PIGU: variants seen among roughly 807,000 people sequenced by gnomAD.
PIGU encodes GPI-anchor transamidase component PIGU.
Under a neutral mutation model 49.9 loss-of-function variants are expected in PIGU, and 24 were observed. The ratio of observed to expected loss-of-function variants is 0.48; its 90% CI spans 0.35 to 0.68. The LOEUF (loss-of-function observed/expected upper bound fraction) is 0.68. PIGU is among the 30% of genes least tolerant of loss of function. The pLI is 0.01. For missense variants in PIGU, 490 were observed against 532.6 expected (o/e 0.92, Z 0.79); for synonymous variants, 220 against 205.7 (o/e 1.07, Z -0.59).
chr20:34,583,695 G>C (rs545060830), intron 9 of PIGU, among the ~76,000 whole-genome samples: 3 of 152,248 alleles, frequency 2.0e-5, no homozygotes, highest in Non-Finnish European at 2.9e-5. Flanking sequence ...CCGGAACAAG[G>C]ACAGGGAAGG....
intron 3 of PIGU, 137 bp from the exon 4 acceptor site, chr20:34,644,363 C>G (rs1036904755): frequency 3.1e-6 from 2 of 645,740 alleles, no homozygotes; most frequent in African/African-American, 3.6e-5. Flanking sequence ...GAACTTCAAC[C>G]CTCACTTTGA....
chr20:34,665,942 T>C (rs1029310709), intron 1 of PIGU, among the ~76,000 whole-genome samples: 1 of 152,126 alleles, frequency 6.6e-6, no homozygotes, highest in African/African-American at 2.4e-5. Context: ...TCTCAATACG[T>C]TGGGAGGCCG....
chr20:34,668,483 A>AGG lies in PIGU; in HGVS notation c.130+8471_130+8472dup, dbSNP rs1260284257. On this transcript the variant is annotated intron_variant, in intron 1 of 11. Coordinates refer to ENST00000217446, the MANE Select transcript of PIGU (RefSeq NM_080476.5). ...TCTCAAAAAAAAAAAAAAAAAAAAA[A>AGG]GGGGGGGGCGGGCGTGCTGGCTCAC... 3.7e-3 allele frequency among the ~76,000 whole-genome samples: 328 copies of AGG among 88,544 alleles called. 2 individuals carry two copies. Among genetic ancestry groups the AGG allele is most frequent in the African/African-American group, 0.01 (185 of 17,764 alleles). The allele number at this position is 88,544 out of a possible 152,430, so 58.1% of individuals were successfully genotyped here. A position where few individuals can be genotyped will look rare whatever the true frequency, so the allele number is the denominator to read the frequency against.
At chr20:34,642,853 G>A (rs917743104) in intron 4 of PIGU, among the ~76,000 whole-genome samples, 1 of 150,306 alleles carries the variant, frequency 6.7e-6, no homozygotes, top group Non-Finnish European at 1.5e-5. Flanking sequence ...CACCACCTGG[G>A]TTCAATTGAT....
intron 10 of PIGU, among the ~76,000 whole-genome samples, chr20:34,578,156 C>T (rs183711800): frequency 6.6e-6 from 1 of 152,278 alleles, no homozygotes; most frequent in Admixed American, 6.5e-5. Flanking sequence ...CATTAGTGGT[C>T]TAAGAAATCC....
At chr20:34,672,579 A>G (rs1036555088) in intron 1 of PIGU, among the ~76,000 whole-genome samples, 1 of 152,046 alleles carries the variant, frequency 6.6e-6, no homozygotes, top group Non-Finnish European at 1.5e-5. Flanking sequence ...GAGGTCAGGC[A>G]TGGTGGCTCA....
intron 1 of PIGU, among the ~76,000 whole-genome samples, chr20:34,658,041 G>C (rs1015276895): frequency 2.6e-5 from 4 of 151,326 alleles, no homozygotes; most frequent in African/African-American, 4.9e-5. Flanking sequence ...CTCTGATGCC[G>C]AGCCGAAGCT....
chr20:34,650,775 G>A (rs1369008935), intron 2 of PIGU, among the ~76,000 whole-genome samples: 7 of 117,790 alleles, frequency 5.9e-5, no homozygotes, highest in South Asian at 2.7e-4. Flanking sequence ...ATGCGGTGGC[G>A]TGATCTTGGC....
chr20:34,566,284 ATTTGC>A (rs1337281310), intron 11 of PIGU, among the ~76,000 whole-genome samples: 1 of 152,190 alleles, frequency 6.6e-6, no homozygotes, highest in Non-Finnish European at 1.5e-5. Context: ...ATGGGGCTGC[ATTTGC>A]TCCAGTTCTA....
intron 1 of PIGU, among the ~76,000 whole-genome samples, chr20:34,671,202 A>C (rs1252728444): frequency 1.3e-5 from 2 of 152,182 alleles, no homozygotes; most frequent in African/African-American, 4.8e-5. Context: ...AACACACCTA[A>C]AGTGCTTAGA....
chr20:34,634,907 T>C (rs185244191), intron 5 of PIGU, among the ~76,000 whole-genome samples, 192 bp from the exon 6 acceptor site: 275 of 152,318 alleles, frequency 1.8e-3, no homozygotes, highest in African/African-American at 6.4e-3. Flanking sequence ...GAACATGGAC[T>C]GCCTATTCTG....
At chr20:34,675,659 T>C (rs1987475291) in intron 1 of PIGU, among the ~76,000 whole-genome samples, 1 of 152,190 alleles carries the variant, frequency 6.6e-6, no homozygotes, top group African/African-American at 2.4e-5. Context: ...CTTAACTCTA[T>C]TCATAAAACA....
At chr20:34,638,677 G>A (rs1243365150) in intron 4 of PIGU, among the ~76,000 whole-genome samples, 4 of 152,190 alleles carry the variant, frequency 2.6e-5, no homozygotes, top group Non-Finnish European at 5.9e-5. Context: ...TACTTCCACA[G>A]AGGAGGCGTA....
intron 11 of PIGU, among the ~76,000 whole-genome samples, chr20:34,566,567 A>T (rs1982776698): frequency 6.6e-6 from 1 of 152,186 alleles, no homozygotes; most frequent in African/African-American, 2.4e-5. Context: ...GAGACAGGGA[A>T]ATGAATATCT....
chr20:34,645,395 CAGAGT>C, intron 2 of PIGU, 61 bp from the exon 3 acceptor site: 1 of 1,491,668 alleles, frequency 6.7e-7, no homozygotes, highest in South Asian at 1.4e-5. Flanking sequence ...TATCAGTTTC[CAGAGT>C]AGAGAGTGGG....
At chr20:34,672,411 C>A (rs543819263) in intron 1 of PIGU, among the ~76,000 whole-genome samples, 1 of 152,298 alleles carries the variant, frequency 6.6e-6, no homozygotes, top group Non-Finnish European at 1.5e-5. Flanking sequence ...ATGGGATACC[C>A]CCCTTGTGTA....
intron 6 of PIGU, among the ~76,000 whole-genome samples, chr20:34,623,705 A>C (rs988480252): frequency 1.8e-4 from 28 of 152,212 alleles, no homozygotes; most frequent in Admixed American, 5.9e-4. Flanking sequence ...GATTCTGCTA[A>C]GGAAGCACGC....
chr20:34,624,887 G>A (rs927350540), intron 6 of PIGU, among the ~76,000 whole-genome samples: 1 of 152,124 alleles, frequency 6.6e-6, no homozygotes, highest in African/African-American at 2.4e-5. Flanking sequence ...TGCCACAAAG[G>A]AAGCCAGGGG....
At chr20:34,671,901 C>A (rs980222100) in intron 1 of PIGU, among the ~76,000 whole-genome samples, 3 of 150,972 alleles carry the variant, frequency 2.0e-5, no homozygotes, top group Admixed American at 1.3e-4. Flanking sequence ...CCAGCCAGGG[C>A]AACAAGAGTG....
Sources: gnomAD v4.1 joint callset for allele counts (sites outside exome capture counted in the v4.1 genomes callset) on GRCh38, gnomAD v4.1.1 for gene constraint, MANE v1.5 for transcripts, NCBI Gene and HGNC (gene_info 2026-07-23, HGNC 2026-07-21) for gene names.